The following ATG4C variants were observed in gnomAD, a reference collection of about 807,000 sequenced individuals.
The protein encoded by ATG4C is autophagy related 4C cysteine peptidase.
ATG4C carries 56 observed loss-of-function variants against 57.6 expected under a neutral mutation model. The ratio of observed to expected loss-of-function variants is 0.97; its 90% CI spans 0.78 to 1.21. The LOEUF is 1.21. Among genes scored for constraint, ATG4C ranks in the 50% most tolerant of loss-of-function variants. ATG4C has a pLI of 0.00. For synonymous variants in ATG4C, 157 were observed against 174.1 expected (o/e 0.90, Z 0.78); for missense variants, 595 against 529.8 (o/e 1.12, Z -1.21).
intron 10 of ATG4C, among the ~76,000 whole-genome samples, chr1:62,842,301 A>ATT (rs71045857): frequency 0.44 from 61,523 of 139,360 alleles, 13,559 homozygotes; most frequent in East Asian, 0.66. Context: ...ATTTTTGGGA[A>ATT]TTTTTTTTTT....
Position 62,828,686 on chromosome 1 carries a change from T to A in ATG4C, c.797-354T>A, listed in dbSNP as rs201792152. ...TCCCATTTGTCAATTTTCGCTTTTG[T>A]TGCGATTGTTTTCGGTATCTTTGTC... On this transcript the variant is annotated intron_variant, in intron 6 of 10. Transcript: ENST00000317868. 1.1e-4 allele frequency among the ~76,000 whole-genome samples: 17 copies of A among 152,362 alleles called. 1 individual carries two copies. The East Asian group carries it at 3.3e-3, about 29-fold the overall frequency.
At chr1:62,786,132 G>GA (rs1181062976) in intron 1 of ATG4C, among the ~76,000 whole-genome samples, 65 of 152,312 alleles carry the variant, frequency 4.3e-4, no homozygotes, top group Non-Finnish European at 4.4e-5. Flanking sequence ...GAAGCTTGAA[G>GA]AATTTAAGGA....
At chr1:62,818,920 C>T (rs1665378252) in intron 4 of ATG4C, 85 bp from the exon 5 acceptor site, 1 of 1,095,118 alleles carries the variant, frequency 9.1e-7, no homozygotes, top group Non-Finnish European at 1.3e-6. Flanking sequence ...ACCCAAATGA[C>T]CTTAAATGCT....
chr1:62,801,824 G>C (rs1186902599), intron 1 of ATG4C, among the ~76,000 whole-genome samples: 1 of 151,384 alleles, frequency 6.6e-6, no homozygotes, highest in Non-Finnish European at 1.5e-5. Flanking sequence ...CGGATGTGGT[G>C]GCAGGCGCCT....
intron 10 of ATG4C, among the ~76,000 whole-genome samples, chr1:62,851,820 T>A (rs1344724648): frequency 1.3e-5 from 2 of 152,100 alleles, no homozygotes; most frequent in African/African-American, 2.4e-5. Flanking sequence ...GTAAGATAAT[T>A]GTTTATGTAA....
intron 1 of ATG4C, among the ~76,000 whole-genome samples, chr1:62,786,892 A>G (rs1197490982): frequency 6.6e-6 from 1 of 152,178 alleles, no homozygotes; most frequent in Non-Finnish European, 1.5e-5. Context: ...CAGTTAGAAG[A>G]TTGTTGGAGT....
chr1:62,829,039 G>A lies in ATG4C; in HGVS notation c.797-1G>A. 1 of 1,600,994 alleles carries A rather than the reference G, an allele frequency of 6.2e-7. No homozygotes were observed. The highest frequency in any genetic ancestry group is 1.3e-5 in the African/African-American group (1 of 74,260). ...ATACATATTCATTATGTTTTTCTCA[G>A]TTTACAATTCTGATGTAATTGATAA... On this transcript the variant is annotated splice_acceptor_variant, in intron 6 of 10. Coordinates refer to ENST00000317868, the MANE Select transcript of ATG4C (RefSeq NM_032852.4). LOFTEE classifies it high-confidence loss of function.
At chr1:62,805,367 T>C (rs1000886632) in intron 3 of ATG4C, 112 bp downstream of exon 3, 2 of 1,307,574 alleles carry the variant, frequency 1.5e-6, no homozygotes. Context: ...TTTAAGTATT[T>C]GTATTTCTTA....
chr1:62,802,991 A>T (rs1664732433), intron 1 of ATG4C, among the ~76,000 whole-genome samples: 1 of 152,334 alleles, frequency 6.6e-6, no homozygotes, highest in Admixed American at 6.5e-5. Context: ...TGAAAAGTAA[A>T]CTGTGAATTA....
chr1:62,809,726 G>T (rs565488233), intron 3 of ATG4C, among the ~76,000 whole-genome samples: 12 of 151,072 alleles, frequency 7.9e-5, no homozygotes, highest in African/African-American at 2.9e-4. Flanking sequence ...AATATGCAAT[G>T]AATATGAAAA....
chr1:62,845,822 C>T (rs1054419828), intron 10 of ATG4C, among the ~76,000 whole-genome samples: 1 of 152,158 alleles, frequency 6.6e-6, no homozygotes, highest in Non-Finnish European at 1.5e-5. Context: ...CTGCCTCAGC[C>T]TCCCTAGAAG....
chr1:62,858,400 A>T (rs1666749510), intron 10 of ATG4C, among the ~76,000 whole-genome samples: 1 of 152,216 alleles, frequency 6.6e-6, no homozygotes, highest in African/African-American at 2.4e-5. Context: ...ACCTTATACG[A>T]GTCACCTAAC....
Position 62,864,395 on chromosome 1 carries a change from G to T in ATG4C, c.*236G>T, listed in dbSNP as rs532223465. 17 of 349,724 alleles carry T rather than the reference G, an allele frequency of 4.9e-5. No homozygotes were observed. In the South Asian group the frequency reaches 4.9e-4, roughly 10 times the overall value. The allele number at this position is 349,724 out of a possible 1,614,324, so 21.7% of individuals were successfully genotyped here. A position where few individuals can be genotyped will look rare whatever the true frequency, so the allele number is the denominator to read the frequency against. ...TCTGGTTGCATTCCTATTTCCCTAA[G>T]ATCTACTAGTGATAATTCTACCTTA... On this transcript the variant is annotated 3_prime_UTR_variant, in exon 11 of 11. Transcript: ENST00000317868.
intron 2 of ATG4C, among the ~76,000 whole-genome samples, chr1:62,804,239 A>G: frequency 6.6e-6 from 1 of 151,338 alleles, no homozygotes; most frequent in East Asian, 1.9e-4. Flanking sequence ...GGTGCGCACT[A>G]CCACACCTGG....
At chr1:62,795,509 AC>A (rs1664433433) in intron 1 of ATG4C, among the ~76,000 whole-genome samples, 1 of 152,200 alleles carries the variant, frequency 6.6e-6, no homozygotes, top group South Asian at 2.1e-4. Flanking sequence ...ACCTTTGTTT[AC>A]TGAGATAGGA....
At position 62,856,686 on chromosome 1, in the gene ATG4C, T is replaced by C. The variant is rs533662770; in HGVS notation, c.1210-7306T>C. The stretch of plus-strand genomic sequence containing the variant: ...TATACTAGACAAATGTATAGGACTT[T>C]GGAGAAGGGAATAATCACTGTAGAG... On this transcript the variant is annotated intron_variant, in intron 10 of 10. Coordinates refer to ENST00000317868, the MANE Select transcript of ATG4C (RefSeq NM_032852.4). 2.6e-5 allele frequency among the ~76,000 whole-genome samples: 4 copies of C among 152,256 alleles called. 1 individual carries two copies. Among genetic ancestry groups the C allele is most frequent in the African/African-American group, 9.6e-5 (4 of 41,554 alleles).
rs565706328 is a variant in ATG4C at position 62,834,675 on chromosome 1, C to G, written c.1013-101C>G. 43 of 874,942 alleles carry G rather than the reference C, an allele frequency of 4.9e-5. No individual in the cohort carries two copies. In the African/African-American group the frequency reaches 6.6e-4, roughly 13 times the overall value. The allele number at this position is 874,942 out of a possible 1,614,324, so 54.2% of individuals were successfully genotyped here. On this transcript the variant is annotated intron_variant, in intron 8 of 10. Coordinates refer to ENST00000317868, the MANE Select transcript of ATG4C (RefSeq NM_032852.4). ...TGAATATCAGTCTGGCAAGCTGTTA[C>G]TCCCAGATTTTTTTCAGCTGTTCTA...
Position 62,864,134 on chromosome 1 carries a change from G to T in ATG4C, c.1352G>T (p.Ser451Ile), listed in dbSNP as rs768820355. The change falls in exon 11 of 11, where the codon AGC (serine) becomes ATC (isoleucine). Residue 451 changes from serine (S) to isoleucine (I), a missense_variant. Ser to Ile is a moderately radical substitution (Grantham distance 142, BLOSUM62 -2). Coordinates refer to ENST00000317868, the MANE Select transcript of ATG4C (RefSeq NM_032852.4). ...GAAAAGAAACAATTAAAAAGATTTA[G>T]CACGGAAGAGTTTGTCTTGCTTTAA... ...EDEKKQLKRF[S>I]TEEFVLL 12 of 1,603,356 alleles carry T rather than the reference G, an allele frequency of 7.5e-6. No homozygotes were observed. Among genetic ancestry groups the T allele is most frequent in the Non-Finnish European group, 1.0e-5 (12 of 1,176,804 alleles).
At chr1:62,820,261 TGTGAAGTG>T (rs1354523484) in intron 5 of ATG4C, among the ~76,000 whole-genome samples, 1 of 152,122 alleles carries the variant, frequency 6.6e-6, no homozygotes. Flanking sequence ...AAACTTCTTC[TGTGAAGTG>T]ACAATAGTAA....
Sources: gnomAD v4.1 joint callset for allele counts (sites outside exome capture counted in the v4.1 genomes callset) on GRCh38, gnomAD v4.1.1 for gene constraint, MANE v1.5 for transcripts, NCBI Gene and HGNC (gene_info 2026-07-23, HGNC 2026-07-21) for gene names.